The following CFDP1 variants were observed in gnomAD, a reference collection of about 807,000 sequenced individuals.
CFDP1 encodes heterochromatin-stabilizing protein CFDP1.
A neutral mutation model predicts 40.1 loss-of-function variants in CFDP1; 31 were observed. That is an observed-to-expected ratio of 0.77 (90% confidence interval 0.58 to 1.04). CFDP1 has a LOEUF of 1.04. Ranked by LOEUF, CFDP1 falls within the 50% of genes least tolerant of loss-of-function variation. The probability of loss-of-function intolerance (pLI) is 0.00; values close to 1 mark genes in which losing one functional copy is unlikely to be tolerated. For missense variants in CFDP1, 423 were observed against 343.4 expected, an observed-to-expected ratio of 1.23 and a Z score of -1.83; for synonymous variants, 167 against 120.0, an observed-to-expected ratio of 1.39 and a Z score of -2.56.
In CFDP1 at chr16:75,395,165, A is replaced by G. The variant is rs2078986015; in HGVS notation, c.575T>C (p.Phe192Ser). The G allele has an allele frequency of 6.2e-7, 1 of 1,613,786 alleles. No homozygotes were observed. The highest frequency in any genetic ancestry group is 1.7e-5 in the Admixed American group (1 of 60,002). The change falls in exon 5 of 7, where the codon TTC becomes TCC. Residue 192 changes from phenylalanine (F) to serine (S), a missense_variant. Transcript: ENST00000283882. ...TTTTTCTTTCTCATTCTGCTTGAAGAAGGATTTGGCCTCTTTAGATGTAGC... is the reference window on the plus strand; with the variant it reads ...TTTTTCTTTCTCATTCTGCTTGAAGGAGGATTTGGCCTCTTTAGATGTAGC... ...VDATSKEAKS[F>S]FKQNEKEKPQ...
intron 3 of CFDP1, 107 bp downstream of exon 3, chr16:75,412,427 TA>T: frequency 1.2e-6 from 1 of 838,086 alleles, no homozygotes; most frequent in Non-Finnish European, 2.0e-6. Flanking sequence ...GCTTTTCACT[TA>T]GTACAATTGT....
intron 5 of CFDP1, among the ~76,000 whole-genome samples, chr16:75,379,137 A>G (rs1170245558): frequency 6.6e-6 from 1 of 151,986 alleles, no homozygotes; most frequent in East Asian, 1.9e-4. Flanking sequence ...GTAAAGAGGA[A>G]AAGTCTCAAA....
At chr16:75,324,352 T>C (rs1345918619) in intron 5 of CFDP1, among the ~76,000 whole-genome samples, 2 of 152,242 alleles carry the variant, frequency 1.3e-5, no homozygotes, top group East Asian at 3.9e-4. Flanking sequence ...TAATGCCTGG[T>C]GCACAGCAGA....
intron 5 of CFDP1, among the ~76,000 whole-genome samples, chr16:75,394,449 T>C (rs1279174915): frequency 6.6e-6 from 1 of 152,238 alleles, no homozygotes; most frequent in Non-Finnish European, 1.5e-5. Context: ...TCATCTTTGA[T>C]CTTTTTATGT....
chr16:75,360,514 T>A (rs1473575784), intron 5 of CFDP1, among the ~76,000 whole-genome samples: 1 of 152,184 alleles, frequency 6.6e-6, no homozygotes, highest in African/African-American at 2.4e-5. Context: ...TTTTTGTACA[T>A]GGAAAGGAAT....
At chr16:75,373,588 T>G (rs1358131714) in intron 5 of CFDP1, among the ~76,000 whole-genome samples, 1 of 152,190 alleles carries the variant, frequency 6.6e-6, no homozygotes, top group Non-Finnish European at 1.5e-5. Context: ...AGGCACAGTT[T>G]GAATTTCAGC....
At chr16:75,295,621 C>G (rs1435204713) in intron 6 of CFDP1, among the ~76,000 whole-genome samples, 4 of 152,194 alleles carry the variant, frequency 2.6e-5, no homozygotes, top group Non-Finnish European at 5.9e-5. Context: ...TGGTCTGGCT[C>G]AGGTACTAAG....
chr16:75,397,080 A>AT (rs1170394711), intron 4 of CFDP1, among the ~76,000 whole-genome samples: 1 of 151,816 alleles, frequency 6.6e-6, no homozygotes, highest in African/African-American at 2.4e-5. Flanking sequence ...CGCCCAGCTA[A>AT]TTTTTTTGTA....
At chr16:75,319,005 G>A (rs964997198) in intron 5 of CFDP1, among the ~76,000 whole-genome samples, 6 of 152,056 alleles carry the variant, frequency 3.9e-5, no homozygotes, top group Non-Finnish European at 5.9e-5. Flanking sequence ...CATAGGAGCC[G>A]AACACATTTT....
At chr16:75,303,837 G>C (rs570969082) in intron 6 of CFDP1, among the ~76,000 whole-genome samples, 22 of 152,298 alleles carry the variant, frequency 1.4e-4, no homozygotes, top group Non-Finnish European at 2.9e-4. Flanking sequence ...TAAAGGAGCT[G>C]AGCCTCAGAG....
intron 1 of CFDP1, among the ~76,000 whole-genome samples, chr16:75,429,675 T>C (rs543919575): frequency 6.4e-4 from 98 of 152,104 alleles, no homozygotes; most frequent in Middle Eastern, 3.4e-3. Flanking sequence ...GTAAATACAC[T>C]GGAGTACTCA....
chr16:75,365,914 C>T (rs2078710564), intron 5 of CFDP1, among the ~76,000 whole-genome samples: 1 of 152,094 alleles, frequency 6.6e-6, no homozygotes, highest in African/African-American at 2.4e-5. Flanking sequence ...GTGGACAAAG[C>T]GAACCCTCAT....
At chr16:75,378,156 G>C (rs2151545258) in intron 5 of CFDP1, among the ~76,000 whole-genome samples, 1 of 152,252 alleles carries the variant, frequency 6.6e-6, no homozygotes, top group East Asian at 1.9e-4. Context: ...ACTCTGACAG[G>C]GATGTGCGTT....
At chr16:75,351,891 C>G (rs2078614176) in intron 5 of CFDP1, among the ~76,000 whole-genome samples, 1 of 150,904 alleles carries the variant, frequency 6.6e-6, no homozygotes, top group East Asian at 1.9e-4. Context: ...GCCTATAATC[C>G]CAGCTACTCA....
At chr16:75,397,879 G>A (rs896117660) in intron 4 of CFDP1, among the ~76,000 whole-genome samples, 3 of 152,180 alleles carry the variant, frequency 2.0e-5, no homozygotes, top group Non-Finnish European at 4.4e-5. Context: ...TGCTGAGCTT[G>A]GATACACGAC....
intron 1 of CFDP1, among the ~76,000 whole-genome samples, chr16:75,428,472 G>T (rs1269816690): frequency 1.3e-5 from 2 of 152,012 alleles, no homozygotes; most frequent in Non-Finnish European, 2.9e-5. Flanking sequence ...AACAAAATTA[G>T]CCAGGTGTGG....
intron 5 of CFDP1, among the ~76,000 whole-genome samples, chr16:75,356,635 TATCA>T (rs1305021986): frequency 6.6e-6 from 1 of 152,164 alleles, no homozygotes; most frequent in African/African-American, 2.4e-5. Flanking sequence ...AGAGCCACCT[TATCA>T]CTCGAAATTT....
intron 5 of CFDP1, among the ~76,000 whole-genome samples, chr16:75,336,671 T>C (rs1229905356): frequency 1.3e-5 from 2 of 152,272 alleles, no homozygotes; most frequent in African/African-American, 4.8e-5. Context: ...CTGTTAAAGC[T>C]GTATGTTATT....
chr16:75,356,545 T>C (rs529037847), intron 5 of CFDP1, among the ~76,000 whole-genome samples: 34 of 152,280 alleles, frequency 2.2e-4, no homozygotes, highest in Non-Finnish European at 4.1e-4. Flanking sequence ...TTATAATTCT[T>C]AAGGGCCCTA....
Sources: allele counts gnomAD v4.1 joint callset (sites outside exome capture counted in the v4.1 genomes callset), GRCh38; gene constraint gnomAD v4.1.1; transcripts MANE v1.5; gene names NCBI Gene and HGNC (gene_info 2026-07-23, HGNC 2026-07-21).